SPATA7: variants seen among roughly 807,000 people sequenced by gnomAD.
SPATA7 encodes the protein spermatogenesis-associated protein 7.
SPATA7 carries 43 observed loss-of-function variants against 51.8 expected under a neutral mutation model. That is an observed-to-expected ratio of 0.83 (90% CI 0.65 to 1.07). The LOEUF (loss-of-function observed/expected upper bound fraction) is 1.07. Among genes scored for constraint, SPATA7 ranks in the 50% least tolerant of loss-of-function variants. The pLI is 0.00. For synonymous variants in SPATA7, 230 were observed against 252.8 expected (o/e 0.91, Z 0.86); for missense variants, 683 against 701.3 (o/e 0.97, Z 0.30).
At chr14:88,419,145 T>A (rs2139970702) in intron 5 of SPATA7, among the ~76,000 whole-genome samples, 1 of 152,300 alleles carries the variant, frequency 6.6e-6, no homozygotes, top group South Asian at 2.1e-4. Flanking sequence ...TTGAGAGAAA[T>A]CTTCCACATA....
intron 4 of SPATA7, among the ~76,000 whole-genome samples, chr14:88,464,029 C>A (rs762643402): frequency 1.3e-5 from 2 of 151,856 alleles, no homozygotes; most frequent in Admixed American, 6.6e-5. Flanking sequence ...TTAGTAGAGA[C>A]GGGGTTTCAC....
chr14:88,457,752 T>C (rs555591037), downstream of SPATA7, among the ~76,000 whole-genome samples: 30 of 152,334 alleles, frequency 2.0e-4, no homozygotes, highest in African/African-American at 7.0e-4. Context: ...GGCCAGAACT[T>C]CCAACACTGT....
At position 88,385,761 on chromosome 14, in the gene SPATA7, G is replaced by A; in HGVS notation, c.-58G>A. The A allele has an allele frequency of 6.5e-7, 1 of 1,548,426 alleles. No homozygotes were observed. Among genetic ancestry groups the A allele is most frequent in the Non-Finnish European group, 8.8e-7 (1 of 1,131,768 alleles). ...TCCACTGCCGGGGCTGGGCCCGGCC[G>A]CGGGAAGGACCGAAGGGGATACAGC... On this transcript the variant is annotated 5_prime_UTR_variant, in exon 1 of 12. Transcript: ENST00000393545.
chr14:88,417,301 G>A (rs1017079204), intron 5 of SPATA7, among the ~76,000 whole-genome samples: 14 of 74,430 alleles, frequency 1.9e-4, no homozygotes, highest in South Asian at 3.7e-4. Context: ...TTTAATCTGT[G>A]GGGTTTTTTT....
At chr14:88,425,634 G>A (rs1038996560) in intron 5 of SPATA7, among the ~76,000 whole-genome samples, 1 of 152,002 alleles carries the variant, frequency 6.6e-6, no homozygotes, top group Non-Finnish European at 1.5e-5. Flanking sequence ...AAGTCAAAAT[G>A]CCTCCCTTTT....
chr14:88,437,673 A>G, intron 11 of SPATA7, 76 bp downstream of exon 11: 1 of 1,388,600 alleles, frequency 7.2e-7, no homozygotes, highest in Non-Finnish European at 1.0e-6. Flanking sequence ...ATACCTTCAA[A>G]CAATACATTA....
At chr14:88,400,690 C>T (rs1480975733) in intron 4 of SPATA7, among the ~76,000 whole-genome samples, 2 of 152,010 alleles carry the variant, frequency 1.3e-5, no homozygotes, top group Non-Finnish European at 2.9e-5. Context: ...AAAAAATTAG[C>T]CAGATGTGGT....
chr14:88,468,214 G>A (rs771731616), intron 4 of SPATA7: 25 of 1,610,898 alleles, frequency 1.6e-5, no homozygotes, highest in Non-Finnish European at 2.0e-5. Flanking sequence ...GTCTGCACCA[G>A]CATCATTCTC....
In SPATA7 at chr14:88,417,317, TA is replaced by T. The variant is rs1207857384; in HGVS notation, c.372+474del. Among the ~76,000 whole-genome samples, 265 of 102,954 alleles carry T rather than the reference TA, an allele frequency of 2.6e-3. 2 individuals are homozygous for T. Among genetic ancestry groups the T allele is most frequent in the African/African-American group, 9.3e-3 (208 of 22,384 alleles). 67.5% of individuals were successfully genotyped at this position (102,954 alleles called of 152,430 possible). A position where few individuals can be genotyped will look rare whatever the true frequency, so the allele number is the denominator to read the frequency against. On this transcript the variant is annotated intron_variant, in intron 5 of 11. Transcript: ENST00000393545. ...TTAATCTGTGGGGTTTTTTTTTTTT[TA>T]TATATATATATATAGTCTCACTCTG...
At chr14:88,431,138 GT>G (rs778354076) in intron 8 of SPATA7, 33 bp from the exon 9 acceptor site, 2 of 1,600,424 alleles carry the variant, frequency 1.2e-6, no homozygotes, top group East Asian at 4.5e-5. Context: ...GCCAACCACT[GT>G]TTTGCTCAAC....
intron 1 of SPATA7, among the ~76,000 whole-genome samples, 189 bp from the exon 2 acceptor site, chr14:88,391,192 T>C (rs986357181): frequency 6.6e-6 from 1 of 152,260 alleles, no homozygotes. Flanking sequence ...ATATTTTGCA[T>C]ATTAAATTAC....
chr14:88,405,377 T>C (rs2076175324), intron 4 of SPATA7, among the ~76,000 whole-genome samples: 1 of 152,182 alleles, frequency 6.6e-6, no homozygotes, highest in Non-Finnish European at 1.5e-5. Flanking sequence ...ACTTTTACTT[T>C]TAAAAGCATC....
chr14:88,442,224 C>T (rs1395116798), downstream of SPATA7, among the ~76,000 whole-genome samples: 1 of 152,020 alleles, frequency 6.6e-6, no homozygotes, highest in East Asian at 1.9e-4. Context: ...GAGTCTCACT[C>T]TGTCACCCAG....
chr14:88,446,873 T>G (rs1277098360), intron 3 of SPATA7, among the ~76,000 whole-genome samples: 1 of 152,204 alleles, frequency 6.6e-6, no homozygotes, highest in Admixed American at 6.5e-5. Context: ...TTCTGTTCTT[T>G]TACATTTGTT....
chr14:88,427,670 A>G lies in SPATA7; in HGVS notation c.886A>G (p.Thr296Ala). 6.2e-7 allele frequency: 1 copy of G among 1,610,240 alleles called. No homozygotes were observed. The highest frequency in any genetic ancestry group is 8.5e-7 in the Non-Finnish European group (1 of 1,176,938). The change falls in exon 7 of 12, where the codon ACA (threonine) becomes GCA (alanine). Residue 296 changes from threonine to alanine, a missense_variant. Thr to Ala is a moderately conservative substitution (Grantham distance 58, BLOSUM62 0). Coordinates refer to ENST00000393545, the MANE Select transcript of SPATA7 (RefSeq NM_018418.5). ...GGGGACAGCTGAGACTAAAAACATG[A>G]CAGATTCAGAAATGAACATAAAGCA... ...ELGTAETKNM[T>A]DSEMNIKQAS...
chr14:88,437,618 T>C, intron 11 of SPATA7, 21 bp downstream of exon 11: 2 of 1,565,164 alleles, frequency 1.3e-6, no homozygotes, highest in Non-Finnish European at 1.8e-6. Flanking sequence ...CCTTATAACT[T>C]CATTAGAAAA....
chr14:88,392,543 G>T (rs2075771974), intron 2 of SPATA7, among the ~76,000 whole-genome samples: 1 of 152,150 alleles, frequency 6.6e-6, no homozygotes, highest in Non-Finnish European at 1.5e-5. Flanking sequence ...GTGGCATCAA[G>T]CTCGTAATTA....
intron 4 of SPATA7, among the ~76,000 whole-genome samples, chr14:88,398,850 A>T (rs1192728155): frequency 6.6e-6 from 1 of 151,894 alleles, no homozygotes; most frequent in Non-Finnish European, 1.5e-5. Context: ...CAGGAGATCG[A>T]GACTATCCTG....
Position 88,469,032 on chromosome 14 carries a change from T to C in SPATA7, c.255-815T>C. The C allele has an allele frequency of 6.2e-7, 1 of 1,614,172 alleles. No homozygotes were observed. The highest frequency in any genetic ancestry group is 8.5e-7 in the Non-Finnish European group (1 of 1,180,020). On this transcript the variant is annotated intron_variant, in intron 4 of 4. Coordinates refer to the SPATA7 transcript ENST00000556406. The surrounding 1 kb of genome is among the most constrained non-coding windows in gnomAD (Gnocchi z 4.3). ...GGGTTGGGGCTTTGGGGATCACTTG[T>C]GCTATTTGTATGGCGTCGAACAGAC...
Sources: allele counts gnomAD v4.1 joint callset (sites outside exome capture counted in the v4.1 genomes callset), GRCh38; gene constraint gnomAD v4.1.1; non-coding constraint Gnocchi (gnomAD v3.1); transcripts MANE v1.5; gene names NCBI Gene and HGNC (gene_info 2026-07-23, HGNC 2026-07-21).